The following RGPD2 variants were observed in gnomAD, a reference collection of about 807,000 sequenced individuals.
The protein encoded by RGPD2 is RANBP2 like and GRIP domain containing 2.
A neutral mutation model predicts 36.0 loss-of-function variants in RGPD2; 2 were observed. The observed-to-expected ratio is 0.06, with a 90% CI of 0.02 to 0.17. RGPD2 has a LOEUF of 0.17. RGPD2 is among the 10% of genes least tolerant of loss of function. The pLI is 1.00. For synonymous variants in RGPD2, 19 were observed against 163.8 expected (o/e 0.12, Z 6.75); for missense variants, 40 against 464.3 (o/e 0.09, Z 8.40).
At chr2:87,910,481 C>G in the RGPD2 span, among the ~76,000 whole-genome samples, 1 of 152,274 alleles carries the variant, frequency 6.6e-6, no homozygotes, top group Non-Finnish European at 1.5e-5. Context: ...CGGGATTCAT[C>G]TTTTTAGAGG....
chr2:87,890,499 C>T, the RGPD2 span, among the ~76,000 whole-genome samples: 2 of 150,908 alleles, frequency 1.3e-5, no homozygotes, highest in Non-Finnish European at 3.0e-5. Context: ...ATGTTCTTTC[C>T]TCCATAGAAG....
At chr2:87,989,170 C>G in the RGPD2 span, 1 of 506,000 alleles carries the variant, frequency 2.0e-6, no homozygotes, top group Non-Finnish European at 3.3e-6. Flanking sequence ...TACTCAGTTC[C>G]TAGATGGAAA....
At chr2:87,876,589 G>T in the RGPD2 span, among the ~76,000 whole-genome samples, 1 of 152,264 alleles carries the variant, frequency 6.6e-6, no homozygotes, top group Non-Finnish European at 1.5e-5. Context: ...TGTGGTCCAA[G>T]TCTTTTGCAT....
intron 20 of RGPD2, among the ~76,000 whole-genome samples, chr2:87,781,441 A>G (rs1685395673): frequency 7.8e-6 from 1 of 127,732 alleles, no homozygotes; most frequent in Admixed American, 8.0e-5. Flanking sequence ...ACATCTCAAT[A>G]TCATGGTTTT....
chr2:87,874,183 A>G, the RGPD2 span, among the ~76,000 whole-genome samples: 1 of 138,030 alleles, frequency 7.2e-6, no homozygotes, highest in Non-Finnish European at 1.6e-5. Context: ...TCACTCTGAT[A>G]ATAGTTTATT....
chr2:87,957,170 A>G, the RGPD2 span, among the ~76,000 whole-genome samples: 2 of 146,816 alleles, frequency 1.4e-5, no homozygotes, highest in Non-Finnish European at 3.0e-5. Context: ...ATGAAGCTCT[A>G]ACCCCCAACG....
At chr2:87,866,345 T>A in the RGPD2 span, among the ~76,000 whole-genome samples, 4 of 152,130 alleles carry the variant, frequency 2.6e-5, no homozygotes, top group African/African-American at 9.6e-5. Context: ...AAATAATTAA[T>A]CATTGTGTCA....
At chr2:87,952,500 G>A in the RGPD2 span, among the ~76,000 whole-genome samples, 3 of 152,142 alleles carry the variant, frequency 2.0e-5, no homozygotes, top group African/African-American at 7.2e-5. Flanking sequence ...AAATACATAC[G>A]TTATCTAAGA....
the RGPD2 span, among the ~76,000 whole-genome samples, chr2:87,919,556 C>T: frequency 6.6e-6 from 1 of 151,056 alleles, no homozygotes; most frequent in African/African-American, 2.4e-5. Flanking sequence ...GTATATAACT[C>T]AGGATTCTTT....
chr2:87,968,494 C>CAG, the RGPD2 span: 3 of 142,324 alleles, frequency 2.1e-5, no homozygotes, highest in Admixed American at 2.1e-4. Flanking sequence ...GACAATCGCC[C>CAG]GAACTCGGGA....
chr2:87,837,645 T>C, the RGPD2 span, among the ~76,000 whole-genome samples: 23 of 31,866 alleles, frequency 7.2e-4, 1 homozygote, highest in East Asian at 0.015. Flanking sequence ...CAACCTAACA[T>C]GACACCTAGA....
chr2:87,919,393 AC>A, the RGPD2 span, among the ~76,000 whole-genome samples: 32 of 152,016 alleles, frequency 2.1e-4, no homozygotes, highest in African/African-American at 6.5e-4. Flanking sequence ...GAATTAAATT[AC>A]ACTATGGGTA....
At chr2:87,966,365 A>G in the RGPD2 span, among the ~76,000 whole-genome samples, 2 of 147,716 alleles carry the variant, frequency 1.4e-5, no homozygotes, top group Admixed American at 6.9e-5. Flanking sequence ...TAAGCCATAC[A>G]GCAGTGAATA....
chr2:87,952,264 A>G, the RGPD2 span, among the ~76,000 whole-genome samples: 1 of 152,144 alleles, frequency 6.6e-6, no homozygotes, highest in African/African-American at 2.4e-5. Context: ...GATATGGGAG[A>G]GAGTTTAGAA....
chr2:87,989,324 C>T, the RGPD2 span, among the ~76,000 whole-genome samples: 3 of 140,620 alleles, frequency 2.1e-5, no homozygotes, highest in African/African-American at 7.7e-5. Flanking sequence ...ACTTCAGAAA[C>T]TTTAAATGTA....
At chr2:87,913,151 C>T in the RGPD2 span, among the ~76,000 whole-genome samples, 1 of 151,962 alleles carries the variant, frequency 6.6e-6, no homozygotes, top group Non-Finnish European at 1.5e-5. Context: ...CCCAAATGTC[C>T]AACAGTGATA....
At chr2:87,876,158 A>C in the RGPD2 span, among the ~76,000 whole-genome samples, 1 of 150,988 alleles carries the variant, frequency 6.6e-6, no homozygotes, top group African/African-American at 2.4e-5. Flanking sequence ...CTCTTAAAAA[A>C]ACAGCTTCTG....
rs1218425688 is a variant in RGPD2, at chr2:87,824,825, GGCC to G, written c.72+830_72+832del. ...CGCCGCCGCCGCCCGGCCAGGCCGAGGCCGCCGCCGCCGCCGCCCGGCCAGGCC... is the reference window on the plus strand; with the variant it reads ...CGCCGCCGCCGCCCGGCCAGGCCGAGGCCGCCGCCGCCGCCCGGCCAGGCC... On this transcript the variant is annotated intron_variant, in intron 1 of 22. Coordinates refer to ENST00000398146, the MANE Select transcript of RGPD2 (RefSeq NM_001078170.3). 4 of 93,170 alleles carry G rather than the reference GGCC, an allele frequency of 4.3e-5. No homozygotes were observed. In the South Asian group the frequency reaches 1.0e-3, roughly 24 times the overall value. The allele number at this position is 93,170 out of a possible 1,614,324, so 5.8% of individuals were successfully genotyped here.
chr2:87,975,209 C>T, the RGPD2 span, among the ~76,000 whole-genome samples: 5 of 148,906 alleles, frequency 3.4e-5, no homozygotes, highest in African/African-American at 5.0e-5. Context: ...GCTCTTTGCT[C>T]AAATGTTACT....
Sources: allele counts gnomAD v4.1 joint callset (sites outside exome capture counted in the v4.1 genomes callset), GRCh38; gene constraint gnomAD v4.1.1; transcripts MANE v1.5; gene names NCBI Gene and HGNC (gene_info 2026-07-23, HGNC 2026-07-21).